FAM220A: variants seen among roughly 807,000 people sequenced by gnomAD.
FAM220A encodes protein FAM220A.
For missense variants in FAM220A, 392 were observed against 321.6 expected, an observed-to-expected ratio of 1.22 and a Z score of -1.68; for synonymous variants, 141 against 130.7, an observed-to-expected ratio of 1.08 and a Z score of -0.54.
At chr7:6,332,026 C>G (rs113611082) in intron 1 of FAM220A, among the ~76,000 whole-genome samples, 2,240 of 150,520 alleles carry the variant, frequency 0.015, 52 homozygotes, top group African/African-American at 0.052. Flanking sequence ...GTGGGAGAAT[C>G]GCTTGAACCC....
Position 6,341,037 on chromosome 7 carries a change from G to A in FAM220A, c.-82+7536C>T, listed in dbSNP as rs182980247. Among the ~76,000 whole-genome samples the A allele has an allele frequency of 2.0e-3, 304 of 150,228 alleles. 1 individual carries two copies. The highest frequency in any genetic ancestry group is 7.1e-3 in the African/African-American group (290 of 40,634). On this transcript the variant is annotated intron_variant, in intron 1 of 1. Transcript: ENST00000313324. ...TGGGAACCTACAGTCCCAGCTACTC[G>A]GGAGGCTGAGGCAGGGGAATGGCAT...
intron 1 of FAM220A, among the ~76,000 whole-genome samples, chr7:6,339,701 G>A (rs1781811728): frequency 6.6e-6 from 1 of 151,944 alleles, no homozygotes; most frequent in African/African-American, 2.4e-5. Flanking sequence ...TCGATCTCCT[G>A]ACCTCATGAT....
intron 1 of FAM220A, among the ~76,000 whole-genome samples, chr7:6,347,748 C>T (rs1450756353): frequency 6.6e-6 from 1 of 151,842 alleles, no homozygotes; most frequent in East Asian, 1.9e-4. Flanking sequence ...TTTTTAGCTT[C>T]AAGGATAACA....
intron 1 of FAM220A, among the ~76,000 whole-genome samples, chr7:6,337,566 T>C (rs1781771730): frequency 6.6e-6 from 1 of 151,642 alleles, no homozygotes; most frequent in Non-Finnish European, 1.5e-5. Flanking sequence ...TGTGTTAAAG[T>C]ACTTTAAATA....
intron 1 of FAM220A, among the ~76,000 whole-genome samples, chr7:6,345,779 A>T (rs996712698): frequency 6.6e-6 from 1 of 151,104 alleles, no homozygotes; most frequent in African/African-American, 2.4e-5. Flanking sequence ...TATTATTATT[A>T]TTTTTTTGAG....
At chr7:6,336,280 C>T (rs994117811) in intron 1 of FAM220A, among the ~76,000 whole-genome samples, 1 of 151,892 alleles carries the variant, frequency 6.6e-6, no homozygotes, top group Non-Finnish European at 1.5e-5. Flanking sequence ...CCTAGAAGCT[C>T]AAGGCTGCAG....
intron 1 of FAM220A, 125 bp from the exon 2 acceptor site, chr7:6,331,360 A>C (rs1000768632): frequency 3.2e-6 from 2 of 615,466 alleles, no homozygotes; most frequent in Admixed American, 6.2e-5. Flanking sequence ...ACAGGGTTTC[A>C]CCATATTGGT....
chr7:6,331,073 A>G lies in FAM220A; in HGVS notation c.82T>C (p.Cys28Arg), dbSNP rs555209057. 7 of 1,613,638 alleles carry G rather than the reference A, an allele frequency of 4.3e-6. No homozygotes were observed. The Admixed American group carries it at 6.7e-5, about 15-fold the overall frequency. The change falls in exon 2 of 2, where the codon TGC becomes CGC. Residue 28 changes from cysteine (C) to arginine (R), a missense_variant. Physicochemically the swap from Cys to Arg is radical, Grantham distance 180. Coordinates refer to ENST00000313324, the MANE Select transcript of FAM220A (RefSeq NM_001037163.2). Reference sequence around the variant, plus strand: ...TCCGGCATTCTTTTCTTAAGGCTGCATGATAGTTTGTCCGAGTCACCTCCT... The same window carrying G: ...TCCGGCATTCTTTTCTTAAGGCTGCGTGATAGTTTGTCCGAGTCACCTCCT... ...AGGGDSDKLS[C>R]SLKKRMPEGP... is the part of the protein sequence containing the mutation.
At chr7:6,339,361 AG>A (rs1781805750) in intron 1 of FAM220A, among the ~76,000 whole-genome samples, 1 of 151,996 alleles carries the variant, frequency 6.6e-6, no homozygotes, top group Admixed American at 6.6e-5. Context: ...CCAGCTACTC[AG>A]GAGGTCGAGG....
chr7:6,337,446 A>G (rs1781769918), intron 1 of FAM220A, among the ~76,000 whole-genome samples: 1 of 151,756 alleles, frequency 6.6e-6, no homozygotes, highest in Admixed American at 6.6e-5. Context: ...CAAGAAAAAC[A>G]GGTCATATAA....
In FAM220A at chr7:6,330,794, C is replaced by G. The variant is rs756681353; in HGVS notation, c.361G>C (p.Gly121Arg). Residue 121 changes from glycine (G) to arginine (R), a missense_variant, in exon 2 of 2, where the codon GGT becomes CGT. By Grantham distance (125) the Gly-to-Arg change is moderately radical. Coordinates refer to ENST00000313324, the MANE Select transcript of FAM220A (RefSeq NM_001037163.2). ...TCTCGCCGCCCCAGAGCTTCAACACCACTGCAGGACACCCGAGCAAAACAC... is the reference window on the plus strand; with the variant it reads ...TCTCGCCGCCCCAGAGCTTCAACACGACTGCAGGACACCCGAGCAAAACAC... ...TECFARVSCS[G>R]VEALGRRDWL... 2 of 1,614,078 alleles carry G rather than the reference C, an allele frequency of 1.2e-6. No individual in the cohort carries two copies. Among genetic ancestry groups the G allele is most frequent in the East Asian group, 2.2e-5 (1 of 44,896 alleles).
At position 6,330,807 on chromosome 7, in the gene FAM220A, C is replaced by G. The variant is rs753361820; in HGVS notation, c.348G>C (p.Arg116=). ...LFPAPTECFA[R]VSCSGVEALG... ...GAGCTTCAACACCACTGCAGGACACCCGAGCAAAACACTCTGTTGGAGCAG... is the reference window on the plus strand; with the variant it reads ...GAGCTTCAACACCACTGCAGGACACGCGAGCAAAACACTCTGTTGGAGCAG... Residue 116 remains arginine, a synonymous_variant, in exon 2 of 2, where the codon CGG becomes CGC. Transcript: ENST00000313324. The G allele has an allele frequency of 6.2e-7, 1 of 1,614,180 alleles. No individual in the cohort carries two copies. Among genetic ancestry groups the G allele is most frequent in the South Asian group, 1.1e-5 (1 of 91,088 alleles).
chr7:6,331,714 C>A (rs923419257), intron 1 of FAM220A, among the ~76,000 whole-genome samples: 2 of 151,228 alleles, frequency 1.3e-5, no homozygotes, highest in African/African-American at 4.9e-5. Context: ...AGTTCCCCAC[C>A]CTCAAATTAG....
At chr7:6,333,168 C>CAAAAAAA (rs111863837) in intron 1 of FAM220A, among the ~76,000 whole-genome samples, 11 of 127,994 alleles carry the variant, frequency 8.6e-5, no homozygotes, top group Non-Finnish European at 1.8e-4. Context: ...ATAAAAAAAT[C>CAAAAAAA]AAAAAAAAAA....
rs1264639289 is a variant in FAM220A, at chr7:6,330,498, C to T, written c.657G>A (p.Met219Ile). 6 of 1,614,048 alleles carry T rather than the reference C, an allele frequency of 3.7e-6. No homozygotes were observed. The highest frequency in any genetic ancestry group is 1.3e-5 in the African/African-American group (1 of 74,904). Reference sequence around the variant, plus strand: ...TGAATTCTATTGTTTGCTTTGAAAACATGGGCTTTAAACGGTCAAGGAAAA... The same window carrying T: ...TGAATTCTATTGTTTGCTTTGAAAATATGGGCTTTAAACGGTCAAGGAAAA... ...KRIFLDRLKP[M>I]FSKQTIEFKK... is the part of the protein sequence containing the mutation. Residue 219 changes from methionine (M) to isoleucine (I), a missense_variant, in exon 2 of 2, where the codon ATG (methionine) becomes ATA (isoleucine). Met to Ile is a conservative substitution (Grantham distance 10). Coordinates refer to ENST00000313324, the MANE Select transcript of FAM220A (RefSeq NM_001037163.2).
At chr7:6,337,009 A>G (rs1159818827) in intron 1 of FAM220A, among the ~76,000 whole-genome samples, 2 of 152,082 alleles carry the variant, frequency 1.3e-5, no homozygotes, top group Non-Finnish European at 2.9e-5. Context: ...AAGTATGAAC[A>G]TTATCCTTAA....
chr7:6,330,082 T>G lies in FAM220A; in HGVS notation c.*293A>C, dbSNP rs908737501. 1 of 360,886 alleles carries G rather than the reference T, an allele frequency of 2.8e-6. No homozygotes were observed. Among genetic ancestry groups the G allele is most frequent in the Non-Finnish European group, 5.2e-6 (1 of 190,922 alleles). 22.4% of individuals were successfully genotyped at this position (360,886 alleles called of 1,614,324 possible). On this transcript the variant is annotated 3_prime_UTR_variant, in exon 2 of 2. Coordinates refer to ENST00000313324, the MANE Select transcript of FAM220A (RefSeq NM_001037163.2). ...TTAGAATGGATGTTGAAGACAGAAC[T>G]TCATGGTAAATCCGTATGTTCTAAT...
chr7:6,344,174 G>T (rs775417391), intron 1 of FAM220A, among the ~76,000 whole-genome samples: 15 of 151,064 alleles, frequency 9.9e-5, no homozygotes, highest in Non-Finnish European at 2.2e-4. Context: ...GCGTGGGGCT[G>T]TCCCCCTTAT....
intron 1 of FAM220A, among the ~76,000 whole-genome samples, chr7:6,336,485 A>G (rs1422470102): frequency 6.6e-6 from 1 of 152,172 alleles, no homozygotes; most frequent in Admixed American, 6.6e-5. Flanking sequence ...GTTTGAGACC[A>G]GCCTGGCCAA....
Sources: gnomAD v4.1 joint callset for allele counts (sites outside exome capture counted in the v4.1 genomes callset) on GRCh38, gnomAD v4.1.1 for gene constraint, MANE v1.5 for transcripts, NCBI Gene and HGNC (gene_info 2026-07-23, HGNC 2026-07-21) for gene names.